The following COX20 variants were observed in gnomAD, a reference collection of about 807,000 sequenced individuals.
The protein encoded by COX20 is cytochrome c oxidase assembly factor COX20, also known as cytochrome c oxidase assembly protein COX20, mitochondrial.
COX20 carries 14 observed loss-of-function variants against 14.3 expected under a neutral mutation model. That is an observed-to-expected ratio of 0.98 (90% confidence interval 0.65 to 1.53). The LOEUF is 1.53. Ranked by LOEUF, COX20 falls within the 40% of genes most tolerant of loss-of-function variation. The probability of loss-of-function intolerance (pLI) is 0.00; values close to 1 mark genes in which losing one functional copy is unlikely to be tolerated. For missense variants in COX20, 149 were observed against 142.1 expected (o/e 1.05, Z -0.25); for synonymous variants, 56 against 51.7 (o/e 1.08, Z -0.36).
At position 244,843,323 on chromosome 1, in the gene COX20, T is replaced by C; in HGVS notation, c.*147T>C. 1 of 862,986 alleles carries C rather than the reference T, an allele frequency of 1.2e-6. No individual in the cohort carries two copies. 53.5% of individuals were successfully genotyped at this position (862,986 alleles called of 1,614,324 possible). ...CTTGTGTGGAATGAAAACTTGCCAG[T>C]TTATTCTGGCCCTGTGTCTACTGCC... On this transcript the variant is annotated 3_prime_UTR_variant, in exon 4 of 4. Coordinates refer to ENST00000411948, the MANE Select transcript of COX20 (RefSeq NM_198076.6).
rs1286258466 is a variant in COX20 at position 244,842,196 on chromosome 1, T to C, written c.159T>C (p.Ser53=). 1.3e-6 allele frequency: 2 copies of C among 1,599,422 alleles called. No homozygotes were observed. The highest frequency in any genetic ancestry group is 8.6e-7 in the Non-Finnish European group (1 of 1,167,060). The change falls in exon 3 of 4, where the codon AGT becomes AGC. Residue 53 remains serine, a splice_region_variant and synonymous_variant. Coordinates refer to ENST00000411948, the MANE Select transcript of COX20 (RefSeq NM_198076.6). ...VAGFGHFLFT[S]RIRRSCDVGV... Reference sequence around the variant, plus strand: ...TAATTGTTATGCTTATTTTTACAGGTAGAATTAGAAGATCATGTGATGTTG... The same window carrying C: ...TAATTGTTATGCTTATTTTTACAGGCAGAATTAGAAGATCATGTGATGTTG...
chr1:244,842,572 C>G lies in COX20; in HGVS notation c.221+314C>G, dbSNP rs55872760. 5.7e-3 allele frequency: 1,840 copies of G among 324,394 alleles called. 7 individuals carry two copies. The highest frequency in any genetic ancestry group is 8.2e-3 in the Non-Finnish European group (1,441 of 175,674). The allele number at this position is 324,394 out of a possible 1,614,324, so 20.1% of individuals were successfully genotyped here. On this transcript the variant is annotated intron_variant, in intron 3 of 3. Transcript: ENST00000411948. Reference sequence around the variant, plus strand: ...TGCTACTTTAAGAATGTGTTTACAACTACTGATGAGTGAATATAAAATATG... The same window carrying G: ...TGCTACTTTAAGAATGTGTTTACAAGTACTGATGAGTGAATATAAAATATG...
intron 1 of COX20, 99 bp downstream of exon 1, chr1:244,835,855 C>A: frequency 2.3e-6 from 2 of 853,542 alleles, no homozygotes; most frequent in Non-Finnish European, 3.1e-6. Context: ...ACTGGCTTCT[C>A]TGCCACCCAT....
intron 1 of COX20, among the ~76,000 whole-genome samples, chr1:244,836,271 G>A (rs1679979030): frequency 6.6e-6 from 1 of 152,128 alleles, no homozygotes; most frequent in Non-Finnish European, 1.5e-5. Context: ...ATACTCTCCT[G>A]AATCCACCTT....
exon 1 of COX20, chr1:244,835,653 GCCGGGC>G (rs1335690416): frequency 4.1e-4 from 502 of 1,211,056 alleles, 3 homozygotes; most frequent in Middle Eastern, 0.01. Context: ...GGCGCGGCCA[GCCGGGC>G]TTCTGCTTCC....
intron 1 of COX20, chr1:244,840,097 T>C (rs532744181): frequency 7.9e-5 from 12 of 152,232 alleles, no homozygotes; most frequent in Non-Finnish European, 1.6e-4. Context: ...TCTATTTAGA[T>C]ATTTGCCTTT....
At chr1:244,835,880 T>C (rs559045756) in intron 1 of COX20, 124 bp downstream of exon 1, 3 of 688,084 alleles carry the variant, frequency 4.4e-6, no homozygotes, top group South Asian at 1.4e-4. Flanking sequence ...TTGAAACTAT[T>C]TTAACTGTTC....
Position 244,842,210 on chromosome 1 carries a change from CAT to C in COX20, c.174_175del (p.Cys59Ter), listed in dbSNP as rs1266098169. On this transcript the variant is annotated frameshift_variant, in exon 3 of 4. Transcript: ENST00000411948. LOFTEE classifies it high-confidence loss of function. ...ATTTTTACAGGTAGAATTAGAAGAT[CAT>C]GTGATGTTGGAGTAGGAGGGTTTAT... The C allele has an allele frequency of 6.2e-7, 1 of 1,606,536 alleles. No homozygotes were observed. Among genetic ancestry groups the C allele is most frequent in the African/African-American group, 1.3e-5 (1 of 74,602 alleles).
intron 1 of COX20, among the ~76,000 whole-genome samples, chr1:244,839,263 C>T (rs543897804): frequency 1.3e-5 from 2 of 152,134 alleles, no homozygotes; most frequent in South Asian, 2.1e-4. Flanking sequence ...GAAAGAAATA[C>T]GGGCACTGAA....
At chr1:244,836,370 C>T in intron 1 of COX20, 5 of 807,804 alleles carry the variant, frequency 6.2e-6, no homozygotes, top group African/African-American at 1.7e-5. Flanking sequence ...CCCATCCTAT[C>T]TCTTTAAGGA....
rs12732096 is a variant in COX20 at position 244,843,383 on chromosome 1, T to C, written c.*207T>C. On this transcript the variant is annotated 3_prime_UTR_variant, in exon 4 of 4. Coordinates refer to ENST00000411948, the MANE Select transcript of COX20 (RefSeq NM_198076.6). The stretch of plus-strand genomic sequence containing the variant: ...TTCTTACGTGTTACATATAGTGGAC[T>C]TGTCATCCTTAAAATGTGAACAGAA... 1 of 516,812 alleles carries C rather than the reference T, an allele frequency of 1.9e-6. No homozygotes were observed. Among genetic ancestry groups the C allele is most frequent in the Admixed American group, 4.0e-5 (1 of 24,836 alleles). The allele number at this position is 516,812 out of a possible 1,614,324, so 32.0% of individuals were successfully genotyped here. A position where few individuals can be genotyped will look rare whatever the true frequency, so the allele number is the denominator to read the frequency against.
chr1:244,842,289 TG>T, intron 3 of COX20, 31 bp downstream of exon 3: 1 of 1,451,838 alleles, frequency 6.9e-7, no homozygotes, highest in Non-Finnish European at 9.7e-7. Context: ...AGAACATCCA[TG>T]ATTATAGTAG....
At chr1:244,836,366 C>T in intron 1 of COX20, 1 of 781,258 alleles carries the variant, frequency 1.3e-6, no homozygotes, top group Non-Finnish European at 2.2e-6. Context: ...GCAGCCCATC[C>T]TATCTCTTTA....
intron 1 of COX20, chr1:244,839,684 TCTTC>T (rs1680117921): frequency 6.6e-6 from 1 of 152,232 alleles, no homozygotes; most frequent in African/African-American, 2.4e-5. Flanking sequence ...CGTTGCATAT[TCTTC>T]CTGTTTTGAT....
At chr1:244,836,105 C>T (rs753728659) in intron 1 of COX20, among the ~76,000 whole-genome samples, 16 of 152,198 alleles carry the variant, frequency 1.1e-4, no homozygotes, top group Non-Finnish European at 1.5e-4. Flanking sequence ...ATTAAAGCTC[C>T]GTTGAGGACA....
chr1:244,842,645 C>A lies in COX20; in HGVS notation c.221+387C>A, dbSNP rs113086171. The A allele has an allele frequency of 7.9e-4, 194 of 246,728 alleles. 4 individuals carry two copies. Among genetic ancestry groups the A allele is most frequent in the African/African-American group, 4.2e-3 (183 of 43,682 alleles). 15.3% of individuals were successfully genotyped at this position (246,728 alleles called of 1,614,324 possible). On this transcript the variant is annotated intron_variant, in intron 3 of 3. Coordinates refer to ENST00000411948, the MANE Select transcript of COX20 (RefSeq NM_198076.6). Reference sequence around the variant, plus strand: ...GACCTAAGAGTATGATATGTATGTACTATATGGTTCCATTTATACATGAAT... The same window carrying A: ...GACCTAAGAGTATGATATGTATGTAATATATGGTTCCATTTATACATGAAT...
chr1:244,835,343 G>A (rs1679923781), upstream of COX20: 1 of 205,382 alleles, frequency 4.9e-6, no homozygotes, highest in South Asian at 1.9e-4. Flanking sequence ...GGTTAGAAAT[G>A]GCGGTTGGGG....
intron 1 of COX20, chr1:244,841,699 G>T (rs990774687): frequency 2.6e-6 from 1 of 386,608 alleles, no homozygotes; most frequent in Non-Finnish European, 4.7e-6. Context: ...TTAAGATACA[G>T]CTCCAAGTTA....
At chr1:244,841,616 A>G (rs1680202879) in intron 1 of COX20, 1 of 196,484 alleles carries the variant, frequency 5.1e-6, no homozygotes, top group African/African-American at 2.3e-5. Flanking sequence ...AATGATAGGC[A>G]TATTCCCAAA....
Sources: allele counts gnomAD v4.1 joint callset (sites outside exome capture counted in the v4.1 genomes callset), GRCh38; gene constraint gnomAD v4.1.1; transcripts MANE v1.5; gene names NCBI Gene and HGNC (gene_info 2026-07-23, HGNC 2026-07-21).